Variants in SMARCA2 observed in about 807,000 individuals in gnomAD.
The protein encoded by SMARCA2 is SWI/SNF-related matrix-associated actin-dependent regulator of chromatin subfamily A member 2.
A neutral mutation model predicts 199.8 loss-of-function variants in SMARCA2; 61 were observed. The ratio of observed to expected loss-of-function variants is 0.31; its 90% CI spans 0.25 to 0.38. The LOEUF is 0.38. Among genes scored for constraint, SMARCA2 ranks in the 10% least tolerant of loss-of-function variants. The pLI is 1.00. For missense variants in SMARCA2, 1,344 were observed against 2,012.2 expected, an observed-to-expected ratio of 0.67 and a Z score of 6.35; for synonymous variants, 935 against 732.0, an observed-to-expected ratio of 1.28 and a Z score of -4.48.
intron 27 of SMARCA2, among the ~76,000 whole-genome samples, chr9:2,138,799 G>C (rs1457786917): frequency 6.6e-6 from 1 of 152,174 alleles, no homozygotes; most frequent in Admixed American, 6.5e-5. Flanking sequence ...TCATTCTCCA[G>C]CTTTGCCTTT....
chr9:2,054,777 C>G, intron 6 of SMARCA2, 54 bp downstream of exon 6: 1 of 1,588,550 alleles, frequency 6.3e-7, no homozygotes, highest in Non-Finnish European at 8.6e-7. Context: ...GTAATTGTTC[C>G]TAAAGTGTTA....
In SMARCA2 at chr9:2,161,560, A is replaced by T; in HGVS notation, c.3982-126A>T. 1 of 663,274 alleles carries T rather than the reference A, an allele frequency of 1.5e-6. No homozygotes were observed. The highest frequency in any genetic ancestry group is 2.6e-6 in the Non-Finnish European group (1 of 389,142). The allele number at this position is 663,274 out of a possible 1,614,324, so 41.1% of individuals were successfully genotyped here. A position where few individuals can be genotyped will look rare whatever the true frequency, so the allele number is the denominator to read the frequency against. On this transcript the variant is annotated intron_variant, in intron 27 of 33. Transcript: ENST00000349721. The surrounding 1 kb of genome is among the most constrained non-coding windows in gnomAD (Gnocchi z 4.7). Reference sequence around the variant, plus strand: ...CCTCCACTGATTACTGTTAACTTTTACTTTTTTTTGGTTAATTTCTTTCAT... The same window carrying T: ...CCTCCACTGATTACTGTTAACTTTTTCTTTTTTTTGGTTAATTTCTTTCAT...
At chr9:2,173,902 C>T (rs1478173168) in intron 29 of SMARCA2, among the ~76,000 whole-genome samples, 1 of 152,210 alleles carries the variant, frequency 6.6e-6, no homozygotes, top group Non-Finnish European at 1.5e-5. Flanking sequence ...CCAAATATTA[C>T]ATTCAGTGCA....
chr9:2,030,962 A>G (rs967789294), intron 2 of SMARCA2, among the ~76,000 whole-genome samples: 1 of 152,252 alleles, frequency 6.6e-6, no homozygotes, highest in Non-Finnish European at 1.5e-5. Context: ...AAGGAAAACA[A>G]TACTGAGATA....
chr9:2,077,710 T>C lies in SMARCA2; in HGVS notation c.2118T>C (p.His706=), dbSNP rs576198452. ...CCCAGTCCTACTACACCGTGGCTCA[T>C]GCCATCTCGGAGAGGGTGGAGAAAC... is the stretch of plus-strand genomic sequence containing the variant. ...RGSQSYYTVA[H]AISERVEKQS... Residue 706 remains histidine (H), a synonymous_variant, in exon 14 of 34, where the codon CAT becomes CAC. Coordinates refer to ENST00000349721, the MANE Select transcript of SMARCA2 (RefSeq NM_003070.5). 6.2e-7 allele frequency: 1 copy of C among 1,614,074 alleles called. No homozygotes were observed. Among genetic ancestry groups the C allele is most frequent in the South Asian group, 1.1e-5 (1 of 91,068 alleles).
intron 32 of SMARCA2, among the ~76,000 whole-genome samples, chr9:2,190,098 G>T (rs1177098040): frequency 6.6e-6 from 1 of 152,160 alleles, no homozygotes; most frequent in African/African-American, 2.4e-5. Flanking sequence ...CTACCATGGA[G>T]CAGATTGTCT....
chr9:2,024,152 C>T (rs1370893549), intron 1 of SMARCA2, among the ~76,000 whole-genome samples: 5 of 152,136 alleles, frequency 3.3e-5, no homozygotes, highest in Non-Finnish European at 5.9e-5. Flanking sequence ...TGGTGTGCTG[C>T]CCCAAACTCT....
At chr9:2,100,396 G>A (rs10811426) in intron 21 of SMARCA2, among the ~76,000 whole-genome samples, 63,626 of 152,046 alleles carry the variant, frequency 0.42, 16,585 homozygotes, top group African/African-American at 0.75. Flanking sequence ...ACAGTATAGA[G>A]GAGACATTAG....
intron 29 of SMARCA2, among the ~76,000 whole-genome samples, chr9:2,175,214 G>A (rs1826495638): frequency 6.6e-6 from 1 of 152,170 alleles, no homozygotes; most frequent in Admixed American, 6.5e-5. Context: ...GAGAAAGAGG[G>A]CAGAAAAGTA....
At chr9:2,051,263 C>G (rs936118660) in intron 5 of SMARCA2, among the ~76,000 whole-genome samples, 7 of 152,160 alleles carry the variant, frequency 4.6e-5, no homozygotes, top group Non-Finnish European at 8.8e-5. Flanking sequence ...TCCTCTTCTC[C>G]TAGAGTTTGC....
In SMARCA2 at chr9:2,098,189, G is replaced by C. The variant is rs116088458; in HGVS notation, c.3078+718G>C. On this transcript the variant is annotated intron_variant, in intron 21 of 33. Transcript: ENST00000349721. The stretch of plus-strand genomic sequence containing the variant: ...GCTGCTGCTGAGGCAAATGGTCCTG[G>C]TGGCAATTATTTGCCAGGGTAGTGC... 4.0e-3 allele frequency among the ~76,000 whole-genome samples: 607 copies of C among 152,330 alleles called. 9 individuals are homozygous for C. The highest frequency in any genetic ancestry group is 0.014 in the African/African-American group (571 of 41,570).
chr9:2,105,171 G>C (rs1397141900), intron 23 of SMARCA2, among the ~76,000 whole-genome samples: 1 of 151,922 alleles, frequency 6.6e-6, no homozygotes, highest in African/African-American at 2.4e-5. Context: ...TTCTCTTTAT[G>C]GTCTGCCTCT....
At position 2,039,934 on chromosome 9, in the gene SMARCA2, T is replaced by C. The variant is rs1819530176; in HGVS notation, c.790+34T>C. 1.2e-6 allele frequency: 2 copies of C among 1,607,974 alleles called. No individual in the cohort carries two copies. Among genetic ancestry groups the C allele is most frequent in the East Asian group, 4.5e-5 (2 of 44,852 alleles). ...ATACGCAACCAAATGAATAATGCCA[T>C]GGTCCAACTCGGATAACAAAGACTG... On this transcript the variant is annotated intron_variant, in intron 4 of 33. Transcript: ENST00000349721. This position sits in a 1 kb window ranked among gnomAD's most constrained non-coding sequence, Gnocchi z 4.8.
At chr9:2,046,373 G>A (rs1039146572) in intron 4 of SMARCA2, among the ~76,000 whole-genome samples, 1 of 152,152 alleles carries the variant, frequency 6.6e-6, no homozygotes, top group African/African-American at 2.4e-5. Context: ...ATTACATATT[G>A]TTTTATTCTG....
rs1249320406 is a variant in SMARCA2, at chr9:2,016,678, G to C, written c.-37+1274G>C. ...AGGGCTGCGGTGGGGAGGGAATAGG[G>C]GGGTGGCGAGGGCGGGAGGCGGGGA... On this transcript the variant is annotated intron_variant, in intron 1 of 33. Coordinates refer to ENST00000349721, the MANE Select transcript of SMARCA2 (RefSeq NM_003070.5). The surrounding 1 kb of genome is among the most constrained non-coding windows in gnomAD (Gnocchi z 5.6). Among the ~76,000 whole-genome samples the C allele has an allele frequency of 1.3e-5, 2 of 151,720 alleles. No homozygotes were observed. Among genetic ancestry groups the C allele is most frequent in the African/African-American group, 4.8e-5 (2 of 41,262 alleles).
chr9:2,069,437 T>G (rs1366961541), intron 9 of SMARCA2, among the ~76,000 whole-genome samples: 1 of 151,570 alleles, frequency 6.6e-6, no homozygotes, highest in African/African-American at 2.4e-5. Context: ...CGGTCGCCTG[T>G]AGTCCCAGCT....
intron 5 of SMARCA2, among the ~76,000 whole-genome samples, chr9:2,049,663 G>A (rs1386268834): frequency 6.6e-6 from 1 of 152,152 alleles, no homozygotes; most frequent in Non-Finnish European, 1.5e-5. Flanking sequence ...GCATTATGGG[G>A]CATGTTTTGT....
At chr9:2,173,373 A>T (rs758703787) in intron 29 of SMARCA2, among the ~76,000 whole-genome samples, 4 of 152,200 alleles carry the variant, frequency 2.6e-5, no homozygotes, top group African/African-American at 7.2e-5. Context: ...AGTACCAGAC[A>T]TCTTGTATTA....
chr9:2,039,183 G>A lies in SMARCA2; in HGVS notation c.356-283G>A, dbSNP rs1284788902. 6.6e-6 allele frequency among the ~76,000 whole-genome samples: 1 copy of A among 150,656 alleles called. No individual in the cohort carries two copies. The highest frequency in any genetic ancestry group is 1.5e-5 in the Non-Finnish European group (1 of 67,776). On this transcript the variant is annotated intron_variant, in intron 3 of 33. Coordinates refer to ENST00000349721, the MANE Select transcript of SMARCA2 (RefSeq NM_003070.5). This position sits in a 1 kb window ranked among gnomAD's most constrained non-coding sequence, Gnocchi z 4.8. ...AACAGTTTTTACATTTTAAAATGAT[G>A]TTTTGGGTATGTTGGTTTAAGTAAA... is the stretch of plus-strand genomic sequence containing the variant.
Sources: gnomAD v4.1 joint callset for allele counts (sites outside exome capture counted in the v4.1 genomes callset) on GRCh38, gnomAD v4.1.1 for gene constraint, Gnocchi (gnomAD v3.1) non-coding constraint, MANE v1.5 for transcripts, NCBI Gene and HGNC (gene_info 2026-07-23, HGNC 2026-07-21) for gene names.